Variants in HS6ST2 observed in about 807,000 individuals in gnomAD.
HS6ST2 encodes heparan sulfate 6-O-sulfotransferase 2.
A neutral mutation model predicts 33.0 loss-of-function variants in HS6ST2; 17 were observed. The ratio of observed to expected loss-of-function variants is 0.52; its 90% confidence interval spans 0.35 to 0.77. The LOEUF (loss-of-function observed/expected upper bound fraction) is 0.77. Ranked by LOEUF, HS6ST2 falls within the 30% of genes least tolerant of loss-of-function variation. The probability of loss-of-function intolerance (pLI) is 0.01; values close to 1 mark genes in which losing one functional copy is unlikely to be tolerated. For missense variants in HS6ST2, 519 were observed against 551.7 expected (o/e 0.94, Z 0.59); for synonymous variants, 248 against 237.1 (o/e 1.05, Z -0.42).
rs189054802 is a variant in HS6ST2, at chrX:132,915,883, C to T, written c.947+40925G>A. ...AGCTGGGATTACAGGTGTGTGCCAC[C>T]ACGCCCGGCTATTTTTTTTTTTTGT... On this transcript the variant is annotated intron_variant, in intron 2 of 4. Transcript: ENST00000370833. Among the ~76,000 whole-genome samples the T allele has an allele frequency of 5.7e-3, 476 of 83,879 alleles. 4 individuals carry two copies. The highest frequency in any genetic ancestry group is 0.023 in the African/African-American group (442 of 19,472). The allele number at this position is 83,879 out of a possible 115,157, so 72.8% of individuals were successfully genotyped here.
intron 2 of HS6ST2, among the ~76,000 whole-genome samples, chrX:132,780,789 T>C (rs1221161909): frequency 8.9e-6 from 1 of 111,915 alleles, no homozygotes; most frequent in Non-Finnish European, 1.9e-5. Context: ...GCAGGATTCA[T>C]GAGGTGGGCT....
chrX:132,706,410 A>T (rs952909978), intron 3 of HS6ST2, among the ~76,000 whole-genome samples: 1 of 112,191 alleles, frequency 8.9e-6, no homozygotes, highest in African/African-American at 3.2e-5. Flanking sequence ...CCATTACAAG[A>T]TGATACACTG....
At chrX:132,703,061 G>A (rs112501205) in intron 3 of HS6ST2, among the ~76,000 whole-genome samples, 24 of 112,270 alleles carry the variant, frequency 2.1e-4, no homozygotes, top group African/African-American at 3.6e-4. Context: ...TCTAACTCAC[G>A]CAAGGCAAAG....
chrX:132,824,297 C>T (rs2065494697), intron 2 of HS6ST2, among the ~76,000 whole-genome samples: 1 of 112,037 alleles, frequency 8.9e-6, no homozygotes. Flanking sequence ...TTGGTCCCTC[C>T]TTGTACTGCA....
chrX:132,744,272 T>A (rs1602632444), intron 2 of HS6ST2, among the ~76,000 whole-genome samples: 1 of 111,366 alleles, frequency 9.0e-6, no homozygotes, highest in East Asian at 2.8e-4. Flanking sequence ...CTCAGAGAGG[T>A]CAAATCACTT....
At chrX:132,653,563 GCAGAGAAAA>G (rs890236601) in intron 4 of HS6ST2, among the ~76,000 whole-genome samples, 5 of 111,640 alleles carry the variant, frequency 4.5e-5, no homozygotes, top group African/African-American at 1.6e-4. Flanking sequence ...TCATTTAACA[GCAGAGAAAA>G]CAGATTCAGA....
chrX:132,841,887 A>G (rs1445579218), intron 2 of HS6ST2, among the ~76,000 whole-genome samples: 1 of 112,103 alleles, frequency 8.9e-6, no homozygotes, highest in Non-Finnish European at 1.9e-5. Flanking sequence ...AAACTGATGG[A>G]CACAGCTAAC....
At chrX:132,677,719 A>G (rs1309671592) in intron 3 of HS6ST2, among the ~76,000 whole-genome samples, 6 of 112,561 alleles carry the variant, frequency 5.3e-5, no homozygotes, top group Non-Finnish European at 1.1e-4. Context: ...GCCCACAGAT[A>G]GGAAACTCAA....
chrX:132,950,736 A>G (rs1306280375), intron 2 of HS6ST2, among the ~76,000 whole-genome samples: 1 of 111,961 alleles, frequency 8.9e-6, no homozygotes, highest in Non-Finnish European at 1.9e-5. Flanking sequence ...TACAGTAAAG[A>G]TTTCAACTTT....
At chrX:132,803,896 T>C (rs944814465) in intron 2 of HS6ST2, among the ~76,000 whole-genome samples, 3 of 111,541 alleles carry the variant, frequency 2.7e-5, no homozygotes, top group Non-Finnish European at 3.8e-5. Flanking sequence ...GCCTGGAACA[T>C]AGGAAGGACT....
upstream of HS6ST2, chrX:132,958,877 G>C (rs923233946): frequency 3.0e-6 from 1 of 333,032 alleles, no homozygotes. Flanking sequence ...TTCTGAAAAG[G>C]TAAGTCAGCA....
At chrX:132,745,889 T>G (rs763970440) in intron 2 of HS6ST2, among the ~76,000 whole-genome samples, 3 of 112,164 alleles carry the variant, frequency 2.7e-5, no homozygotes, top group Admixed American at 9.5e-5. Context: ...TTAACTCTGG[T>G]ATCAGTTTCT....
intron 3 of HS6ST2, among the ~76,000 whole-genome samples, chrX:132,706,751 G>A (rs1255204627): frequency 8.9e-6 from 1 of 112,239 alleles, no homozygotes; most frequent in Non-Finnish European, 1.9e-5. Context: ...GTATATTTAT[G>A]AAACTGCATA....
At chrX:132,706,167 G>A (rs1246050624) in intron 3 of HS6ST2, among the ~76,000 whole-genome samples, 8 of 110,857 alleles carry the variant, frequency 7.2e-5, no homozygotes, top group Admixed American at 9.6e-5. Context: ...GAGTGTGACG[G>A]GATGATCTTA....
chrX:132,952,811 C>A (rs2067027644), intron 2 of HS6ST2, among the ~76,000 whole-genome samples: 1 of 111,198 alleles, frequency 9.0e-6, no homozygotes, highest in Non-Finnish European at 1.9e-5. Context: ...GGCCCCTCTG[C>A]AATCTAGCCA....
chrX:132,654,902 C>T (rs758423015), intron 4 of HS6ST2, among the ~76,000 whole-genome samples: 3 of 112,304 alleles, frequency 2.7e-5, no homozygotes, highest in African/African-American at 9.7e-5. Context: ...GGAAAGTTAA[C>T]AAGAAAGAAG....
At chrX:132,929,286 C>G in intron 2 of HS6ST2, among the ~76,000 whole-genome samples, 1 of 110,757 alleles carries the variant, frequency 9.0e-6, no homozygotes, top group East Asian at 2.8e-4. Context: ...ACAGAGTATA[C>G]ACATTTCTCT....
At chrX:132,713,411 C>A (rs912771478) in intron 2 of HS6ST2, among the ~76,000 whole-genome samples, 2 of 111,714 alleles carry the variant, frequency 1.8e-5, no homozygotes, top group Non-Finnish European at 3.8e-5. Context: ...CAGCTCGCAG[C>A]CCCCTGTACC....
chrX:132,957,267 A>G lies in HS6ST2; in HGVS notation c.488T>C (p.Leu163Pro). 1 of 1,185,448 alleles carries G rather than the reference A, an allele frequency of 8.4e-7. No individual in the cohort carries two copies. Among genetic ancestry groups the G allele is most frequent in the Admixed American group, 2.3e-5 (1 of 43,389 alleles). The change falls in exon 2 of 5, where the codon CTA becomes CCA. Residue 163 changes from leucine (L) to proline (P), a missense_variant. Physicochemically the swap from Leu to Pro is moderately conservative, Grantham distance 98. Transcript: ENST00000370833. Reference sequence around the variant, plus strand: ...GTATTGGAGGACGATCACGGCAAATAGGAAGAGCATCACCAAAGCTAGCAG... The same window carrying G: ...GTATTGGAGGACGATCACGGCAAATGGGAAGAGCATCACCAAAGCTAGCAG... ...KLLLALVMLF[L>P]FAVIVLQYVC...
Sources: gnomAD v4.1 joint callset for allele counts (sites outside exome capture counted in the v4.1 genomes callset) on GRCh38, gnomAD v4.1.1 for gene constraint, MANE v1.5 for transcripts, NCBI Gene and HGNC (gene_info 2026-07-23, HGNC 2026-07-21) for gene names.